Variants in IL1RAPL1 observed in about 807,000 individuals in gnomAD.
IL1RAPL1 encodes interleukin 1 receptor accessory protein like 1, also known as interleukin-1 receptor accessory protein-like 1.
In IL1RAPL1, 3 loss-of-function variants were observed where a neutral mutation model predicts 48.4. That is an observed-to-expected ratio of 0.06 (90% confidence interval 0.03 to 0.16). The LOEUF (loss-of-function observed/expected upper bound fraction) is 0.16, where lower values mean the gene tolerates loss of function less well. Among genes scored for constraint, IL1RAPL1 ranks in the 10% least tolerant of loss-of-function variants. The pLI, the probability that IL1RAPL1 is intolerant of heterozygous loss-of-function variation, is 1.00. For synonymous variants in IL1RAPL1, 185 were observed against 187.7 expected (o/e 0.99, Z 0.12); for missense variants, 349 against 530.6 (o/e 0.66, Z 3.36).
intron 6 of IL1RAPL1, among the ~76,000 whole-genome samples, chrX:29,678,149 A>G (rs930961176): frequency 1.8e-5 from 2 of 110,586 alleles, no homozygotes; most frequent in Admixed American, 1.9e-4. Flanking sequence ...AAAAGTATGT[A>G]CAATGCCACT....
chrX:28,885,095 G>T (rs965509864), intron 2 of IL1RAPL1, among the ~76,000 whole-genome samples: 3 of 111,382 alleles, frequency 2.7e-5, no homozygotes, highest in Admixed American at 9.6e-5. Context: ...TAGGAACTGT[G>T]AAATGAATGT....
intron 6 of IL1RAPL1, among the ~76,000 whole-genome samples, chrX:29,890,019 C>G (rs1036410786): frequency 4.5e-5 from 5 of 110,974 alleles, no homozygotes; most frequent in Admixed American, 3.9e-4. Context: ...TAGCTATCTT[C>G]AAAGAAGATT....
chrX:29,492,325 G>A (rs936091752), intron 5 of IL1RAPL1, among the ~76,000 whole-genome samples: 11 of 112,022 alleles, frequency 9.8e-5, no homozygotes, highest in Admixed American at 2.8e-4. Context: ...TATTGCTGCC[G>A]TAATAAATAC....
chrX:29,072,516 AT>A (rs1927586442), intron 2 of IL1RAPL1, among the ~76,000 whole-genome samples: 1 of 111,160 alleles, frequency 9.0e-6, no homozygotes, highest in Non-Finnish European at 1.9e-5. Context: ...GTTTCTTGAG[AT>A]TTTCCTACTT....
chrX:29,096,356 A>G (rs1475672902), intron 2 of IL1RAPL1, among the ~76,000 whole-genome samples: 4 of 112,259 alleles, frequency 3.6e-5, no homozygotes, highest in East Asian at 2.8e-4. Context: ...TAGCTATACA[A>G]TTAGTCTATG....
intron 5 of IL1RAPL1, among the ~76,000 whole-genome samples, chrX:29,661,897 G>A (rs975433445): frequency 1.8e-5 from 2 of 111,299 alleles, no homozygotes; most frequent in Non-Finnish European, 1.9e-5. Context: ...CTGTGCCGTC[G>A]CCTTTCAGTG....
intron 1 of IL1RAPL1, among the ~76,000 whole-genome samples, chrX:28,618,187 A>G (rs2146887026): frequency 8.9e-6 from 1 of 112,354 alleles, no homozygotes; most frequent in South Asian, 3.7e-4. Flanking sequence ...TGATTTTATC[A>G]GGACTTTGCT....
chrX:29,488,741 A>G (rs1044713604), intron 5 of IL1RAPL1, among the ~76,000 whole-genome samples: 1 of 111,698 alleles, frequency 9.0e-6, no homozygotes, highest in Non-Finnish European at 1.9e-5. Context: ...GAGGTGGTGC[A>G]TATATAATTG....
chrX:29,165,451 G>GT (rs1929769691), intron 2 of IL1RAPL1, among the ~76,000 whole-genome samples: 2 of 112,237 alleles, frequency 1.8e-5, no homozygotes, highest in African/African-American at 6.5e-5. Context: ...CTGCTATACT[G>GT]TTTCCAAACT....
At chrX:28,890,899 G>A (rs1166076869) in intron 2 of IL1RAPL1, among the ~76,000 whole-genome samples, 1 of 112,158 alleles carries the variant, frequency 8.9e-6, no homozygotes, top group Non-Finnish European at 1.9e-5. Context: ...GACAGATGAA[G>A]GTGTTTGTGA....
chrX:29,849,137 A>G (rs1248993266), intron 6 of IL1RAPL1, among the ~76,000 whole-genome samples: 1 of 111,815 alleles, frequency 8.9e-6, no homozygotes, highest in Non-Finnish European at 1.9e-5. Flanking sequence ...CAAGAAAAAA[A>G]AATGGGTAAG....
chrX:29,639,916 C>T (rs1352640357), intron 5 of IL1RAPL1, among the ~76,000 whole-genome samples: 1 of 111,481 alleles, frequency 9.0e-6, no homozygotes, highest in African/African-American at 3.3e-5. Context: ...TCTTCTGAGC[C>T]AGAAGCATTT....
At chrX:29,570,631 A>G (rs1046460240) in intron 5 of IL1RAPL1, among the ~76,000 whole-genome samples, 1 of 112,301 alleles carries the variant, frequency 8.9e-6, no homozygotes, top group East Asian at 2.8e-4. Context: ...TATTTACTAA[A>G]TGCTGGGCTG....
intron 5 of IL1RAPL1, among the ~76,000 whole-genome samples, chrX:29,525,685 A>G (rs920953685): frequency 5.4e-5 from 6 of 111,947 alleles, no homozygotes; most frequent in Admixed American, 1.9e-4. Flanking sequence ...TGCTGATGTG[A>G]CTGTATTGGT....
At chrX:29,303,961 A>C (rs1236153652) in intron 3 of IL1RAPL1, among the ~76,000 whole-genome samples, 1 of 111,635 alleles carries the variant, frequency 9.0e-6, no homozygotes, top group Non-Finnish European at 1.9e-5. Flanking sequence ...ACTTAGAGGG[A>C]GAATTAAATG....
intron 3 of IL1RAPL1, among the ~76,000 whole-genome samples, chrX:29,353,533 C>G (rs1208876928): frequency 9.0e-6 from 1 of 111,035 alleles, no homozygotes; most frequent in Non-Finnish European, 1.9e-5. Flanking sequence ...AAAAGAATAC[C>G]CTTGGTACAT....
At chrX:28,715,178 G>A (rs780128317) in intron 1 of IL1RAPL1, among the ~76,000 whole-genome samples, 1 of 112,352 alleles carries the variant, frequency 8.9e-6, no homozygotes, top group African/African-American at 3.2e-5. Flanking sequence ...GCAGAAAACT[G>A]AAACCATATA....
chrX:29,689,796 C>T (rs1042092511), intron 6 of IL1RAPL1, among the ~76,000 whole-genome samples: 1 of 111,919 alleles, frequency 8.9e-6, no homozygotes, highest in African/African-American at 3.2e-5. Flanking sequence ...AGACACATTA[C>T]GAATTTAGAT....
intron 3 of IL1RAPL1, among the ~76,000 whole-genome samples, chrX:29,370,458 C>T (rs559510852): frequency 1.8e-5 from 2 of 110,523 alleles, no homozygotes; most frequent in Admixed American, 1.9e-4. Flanking sequence ...TAGGATCCTT[C>T]AACTTTAGTC....
Sources: allele counts gnomAD v4.1 joint callset (sites outside exome capture counted in the v4.1 genomes callset), GRCh38; gene constraint gnomAD v4.1.1; transcripts MANE v1.5; gene names NCBI Gene and HGNC (gene_info 2026-07-23, HGNC 2026-07-21).